Variants in SOX5 observed in about 807,000 individuals in gnomAD.
SOX5 encodes the protein SRY-box transcription factor 5, also known as transcription factor SOX-5.
A neutral mutation model predicts 92.0 loss-of-function variants in SOX5; 9 were observed. The observed-to-expected ratio is 0.10, with a 90% CI of 0.06 to 0.17. The LOEUF (loss-of-function observed/expected upper bound fraction) is 0.17. Among genes scored for constraint, SOX5 ranks in the 10% least tolerant of loss-of-function variants. The pLI, the probability that SOX5 is intolerant of heterozygous loss-of-function variation, is 1.00. For missense variants in SOX5, 642 were observed against 944.5 expected, an observed-to-expected ratio of 0.68 and a Z score of 4.20; for synonymous variants, 344 against 336.3, an observed-to-expected ratio of 1.02 and a Z score of -0.25.
chr12:24,060,139 T>C (rs1939381934), intron 4 of SOX5, among the ~76,000 whole-genome samples: 1 of 152,228 alleles, frequency 6.6e-6, no homozygotes, highest in Non-Finnish European at 1.5e-5. Context: ...ATAGTTATAA[T>C]AAATGACAGC....
chr12:24,531,746 G>C (rs915343487), intron 1 of SOX5, among the ~76,000 whole-genome samples: 4 of 152,042 alleles, frequency 2.6e-5, no homozygotes, highest in African/African-American at 9.7e-5. Context: ...ACCTTTCATT[G>C]CCTGCCTGCT....
At chr12:24,205,118 C>A (rs1043091086) in intron 4 of SOX5, among the ~76,000 whole-genome samples, 5 of 152,134 alleles carry the variant, frequency 3.3e-5, no homozygotes, top group African/African-American at 1.2e-4. Flanking sequence ...CAAGATTAAG[C>A]CGTGCCTTCT....
At chr12:24,446,040 C>T (rs1941418470) in intron 1 of SOX5, among the ~76,000 whole-genome samples, 1 of 152,290 alleles carries the variant, frequency 6.6e-6, no homozygotes, top group South Asian at 2.1e-4. Flanking sequence ...CAGAAGAAAT[C>T]ATGAGGCCTT....
At chr12:23,867,205 A>G (rs576008281) in intron 2 of SOX5, among the ~76,000 whole-genome samples, 1 of 152,290 alleles carries the variant, frequency 6.6e-6, no homozygotes, top group African/African-American at 2.4e-5. Context: ...CTCATGGAAG[A>G]AAGGTTTTAA....
chr12:24,064,773 T>A (rs2137322125), intron 4 of SOX5, among the ~76,000 whole-genome samples: 1 of 152,282 alleles, frequency 6.6e-6, no homozygotes, highest in Admixed American at 6.5e-5. Context: ...AGAATAATGA[T>A]CATCTATAAG....
At chr12:24,330,512 C>A (rs1487720493) in intron 2 of SOX5, among the ~76,000 whole-genome samples, 1 of 152,168 alleles carries the variant, frequency 6.6e-6, no homozygotes, top group Non-Finnish European at 1.5e-5. Flanking sequence ...TGGGTCAAAT[C>A]CTGCCTGAGT....
At chr12:23,996,965 T>C (rs571994922) in intron 4 of SOX5, among the ~76,000 whole-genome samples, 1 of 152,204 alleles carries the variant, frequency 6.6e-6, no homozygotes, top group African/African-American at 2.4e-5. Context: ...GCTAATTTTT[T>C]GTCATACAAA....
chr12:23,600,560 C>A (rs1413675885), intron 9 of SOX5, among the ~76,000 whole-genome samples: 7 of 33,084 alleles, frequency 2.1e-4, no homozygotes, highest in South Asian at 6.4e-4. Context: ...TATACACATA[C>A]TTGGCTTGGG....
At chr12:24,426,443 C>A (rs1488745854) in intron 1 of SOX5, among the ~76,000 whole-genome samples, 1 of 152,136 alleles carries the variant, frequency 6.6e-6, no homozygotes, top group Non-Finnish European at 1.5e-5. Flanking sequence ...TGCACATGCA[C>A]CCTAGAACTT....
intron 1 of SOX5, among the ~76,000 whole-genome samples, chr12:24,414,147 A>G (rs1029076636): frequency 2.0e-5 from 3 of 152,142 alleles, no homozygotes; most frequent in Non-Finnish European, 2.9e-5. Flanking sequence ...TTGGGCTCAA[A>G]TCCATTAATT....
chr12:24,364,511 CATATATATATATATATATAT>C (rs58135899), intron 2 of SOX5, among the ~76,000 whole-genome samples: 11 of 110,532 alleles, frequency 1.0e-4, no homozygotes, highest in South Asian at 2.9e-4. Flanking sequence ...AACATTTTTT[CATATATATATATATATATAT>C]ATATATATAT....
intron 4 of SOX5, among the ~76,000 whole-genome samples, chr12:23,956,694 T>TA (rs398018862): frequency 3.3e-5 from 5 of 151,430 alleles, no homozygotes; most frequent in African/African-American, 1.2e-4. Context: ...CTTTTTTTTT[T>TA]AAGGGGAGGG....
intron 6 of SOX5, among the ~76,000 whole-genome samples, chr12:23,700,045 T>C (rs890788616): frequency 9.9e-5 from 15 of 152,144 alleles, no homozygotes; most frequent in Non-Finnish European, 5.9e-5. Context: ...TCATTGCATA[T>C]TTCCGCTATA....
At chr12:24,141,937 T>A (rs536483513) in intron 4 of SOX5, among the ~76,000 whole-genome samples, 1 of 152,268 alleles carries the variant, frequency 6.6e-6, no homozygotes, top group African/African-American at 2.4e-5. Flanking sequence ...TGGGAAGGAA[T>A]CCTTAACTAT....
intron 1 of SOX5, among the ~76,000 whole-genome samples, chr12:24,418,907 A>C (rs1965461832): frequency 3.3e-5 from 5 of 152,202 alleles, no homozygotes; most frequent in Non-Finnish European, 7.3e-5. Flanking sequence ...GCACCAGTCC[A>C]GGTTGATCCA....
At chr12:24,561,680 C>T (rs940558478) in intron 1 of SOX5, among the ~76,000 whole-genome samples, 14 of 151,690 alleles carry the variant, frequency 9.2e-5, no homozygotes, top group African/African-American at 3.4e-4. Context: ...CTCTGAAATC[C>T]CTAGAATCCT....
At chr12:24,392,894 C>G (rs1959142847) in intron 1 of SOX5, among the ~76,000 whole-genome samples, 1 of 152,066 alleles carries the variant, frequency 6.6e-6, no homozygotes, top group Admixed American at 6.5e-5. Context: ...GGACTGGGGA[C>G]AGATTCGGCA....
intron 2 of SOX5, among the ~76,000 whole-genome samples, chr12:24,288,805 G>A (rs1487023906): frequency 1.3e-5 from 2 of 151,120 alleles, no homozygotes; most frequent in Admixed American, 6.6e-5. Context: ...CCCACCACCT[G>A]CACACCAATC....
chr12:23,547,812 C>T (rs563628838), intron 11 of SOX5, among the ~76,000 whole-genome samples: 10 of 152,098 alleles, frequency 6.6e-5, no homozygotes, highest in East Asian at 1.9e-4. Flanking sequence ...AAATAAGTTA[C>T]GCATTTAAAA....
Sources: gnomAD v4.1 joint callset for allele counts (sites outside exome capture counted in the v4.1 genomes callset) on GRCh38, gnomAD v4.1.1 for gene constraint, MANE v1.5 for transcripts, NCBI Gene and HGNC (gene_info 2026-07-23, HGNC 2026-07-21) for gene names.